MACC1: variants seen among roughly 807,000 people sequenced by gnomAD.
The protein encoded by MACC1 is MET transcriptional regulator MACC1, also known as metastasis-associated in colon cancer protein 1.
MACC1 carries 79 observed loss-of-function variants against 70.7 expected under a neutral mutation model. The observed-to-expected ratio is 1.12, with a 90% CI of 0.93 to 1.35. The LOEUF is 1.35. Ranked by LOEUF, MACC1 falls within the 40% of genes most tolerant of loss-of-function variation. The pLI is 0.00. For synonymous variants in MACC1, 361 were observed against 347.2 expected (o/e 1.04, Z -0.44); for missense variants, 1,106 against 978.1 (o/e 1.13, Z -1.74).
intron 1 of MACC1, among the ~76,000 whole-genome samples, chr7:20,183,310 A>G (rs1406640636): frequency 6.6e-6 from 1 of 152,240 alleles, no homozygotes; most frequent in Non-Finnish European, 1.5e-5. Context: ...GTAGTTGGCA[A>G]GAAAACAGGG....
In MACC1 at chr7:20,137,776, T is replaced by C. The variant is rs1298301163; in HGVS notation, c.*3170A>G. The stretch of plus-strand genomic sequence containing the variant: ...GAAAATCCATTATAGCAAGAAAAAA[T>C]ATAAAGTTCAGAAAAGTAGAAACTA... On this transcript the variant is annotated 3_prime_UTR_variant, in exon 7 of 7. Coordinates refer to ENST00000400331, the MANE Select transcript of MACC1 (RefSeq NM_182762.4). 1 of 152,106 alleles carries C rather than the reference T, an allele frequency of 6.6e-6. No individual in the cohort carries two copies. Among genetic ancestry groups the C allele is most frequent in the Non-Finnish European group, 1.5e-5 (1 of 68,008 alleles). The allele number at this position is 152,106 out of a possible 1,614,324, so 9.4% of individuals were successfully genotyped here.
intron 6 of MACC1, among the ~76,000 whole-genome samples, 177 bp from the exon 7 acceptor site, chr7:20,141,335 TA>T (rs1184678895): frequency 5.3e-5 from 8 of 152,242 alleles, no homozygotes; most frequent in Non-Finnish European, 1.2e-4. Flanking sequence ...CTTCCTGTTA[TA>T]TCCCTGTGTT....
At chr7:20,168,803 C>A (rs554689210) in intron 2 of MACC1, among the ~76,000 whole-genome samples, 2 of 152,320 alleles carry the variant, frequency 1.3e-5, no homozygotes, top group Admixed American at 1.3e-4. Context: ...TTCCTCTCAA[C>A]AGAGTTTCCC....
chr7:20,154,318 T>A lies in MACC1; in HGVS notation c.2221A>T (p.Thr741Ser). The change falls in exon 6 of 7, where the codon ACT (threonine) becomes TCT (serine). Residue 741 changes from threonine to serine, a missense_variant. Physicochemically the swap from Thr to Ser is moderately conservative, Grantham distance 58. Transcript: ENST00000400331. ...ARLIQEAAVL[T>S]SAVKLGKGWR... ...CCTTTTCCAAGCTTGACAGCTGAAG[T>A]CAGAACAGCAGCTTCTTGGATGAGA... 1 of 1,613,978 alleles carries A rather than the reference T, an allele frequency of 6.2e-7. No individual in the cohort carries two copies. Among genetic ancestry groups the A allele is most frequent in the African/African-American group, 1.3e-5 (1 of 75,024 alleles).
intron 1 of MACC1, among the ~76,000 whole-genome samples, chr7:20,171,587 T>G (rs928263553): frequency 1.2e-4 from 13 of 108,830 alleles, no homozygotes; most frequent in South Asian, 2.6e-4. Flanking sequence ...ATTATATCTG[T>G]TTTTTTTTTT....
chr7:20,192,198 A>T (rs1456267051), intron 1 of MACC1, among the ~76,000 whole-genome samples: 1 of 152,140 alleles, frequency 6.6e-6, no homozygotes, highest in Non-Finnish European at 1.5e-5. Context: ...TATCTTTATT[A>T]TTCTTTCAAA....
intron 6 of MACC1, among the ~76,000 whole-genome samples, chr7:20,143,664 C>G (rs747184451): frequency 2.0e-5 from 3 of 152,210 alleles, no homozygotes; most frequent in Non-Finnish European, 2.9e-5. Context: ...GCTGGGATTA[C>G]AGGCATGAGC....
chr7:20,189,990 T>G (rs745826575), intron 1 of MACC1, among the ~76,000 whole-genome samples: 1 of 152,210 alleles, frequency 6.6e-6, no homozygotes, highest in African/African-American at 2.4e-5. Context: ...TGTTTTCATG[T>G]AGTGGAAAAC....
chr7:20,173,801 G>C (rs937708879), intron 1 of MACC1, among the ~76,000 whole-genome samples: 1 of 152,138 alleles, frequency 6.6e-6, no homozygotes, highest in Non-Finnish European at 1.5e-5. Flanking sequence ...TTTTAGTACT[G>C]GCTGGGGTCA....
In MACC1 at chr7:20,139,174, G is replaced by A. The variant is rs1781761340; in HGVS notation, c.*1772C>T. 1.3e-5 allele frequency: 2 copies of A among 152,128 alleles called. No homozygotes were observed. Among genetic ancestry groups the A allele is most frequent in the African/African-American group, 2.4e-5 (1 of 41,414 alleles). The allele number at this position is 152,128 out of a possible 1,614,324, so 9.4% of individuals were successfully genotyped here. ...TGTGTTTTCTTTCTAAATTCTAGCA[G>A]CCTTAATGGCCCTAATGTGGCTTCT... On this transcript the variant is annotated 3_prime_UTR_variant, in exon 7 of 7. Transcript: ENST00000400331.
chr7:20,180,585 C>A (rs1782488575), intron 1 of MACC1, among the ~76,000 whole-genome samples: 1 of 152,158 alleles, frequency 6.6e-6, no homozygotes, highest in Non-Finnish European at 1.5e-5. Context: ...GTGGCCACGC[C>A]TGTAATCCCA....
At position 20,154,278 on chromosome 7, in the gene MACC1, G is replaced by T; in HGVS notation, c.2261C>A (p.Ala754Asp). Residue 754 changes from alanine to aspartate, a missense_variant, in exon 6 of 7, where the codon GCT becomes GAT. Transcript: ENST00000400331. Reference sequence around the variant, plus strand: ...CTTTGTGAGTCGTACTAACTTTTCAGCTAGTTCCCTCCAGCCTTTTCCAAG... The same window carrying T: ...CTTTGTGAGTCGTACTAACTTTTCATCTAGTTCCCTCCAGCCTTTTCCAAG... ...VKLGKGWREL[A>D]EKLVRLTKQQ... The T allele has an allele frequency of 6.2e-7, 1 of 1,613,938 alleles. No individual in the cohort carries two copies. The highest frequency in any genetic ancestry group is 8.5e-7 in the Non-Finnish European group (1 of 1,179,934).
chr7:20,144,123 A>C (rs1781851306), intron 6 of MACC1, among the ~76,000 whole-genome samples: 2 of 152,238 alleles, frequency 1.3e-5, no homozygotes, highest in African/African-American at 4.8e-5. Flanking sequence ...AAATACAATG[A>C]AAATATTCAA....
Position 20,173,123 on chromosome 7 carries a change from C to A in MACC1, c.-217-2345G>T, listed in dbSNP as rs1782337053. On this transcript the variant is annotated intron_variant, in intron 1 of 6. Coordinates refer to ENST00000400331, the MANE Select transcript of MACC1 (RefSeq NM_182762.4). Reference sequence around the variant, plus strand: ...ATGCCCAGAAATCATCCCAAAAATCCGAGATGGATCCCAGGCTTCATTTAT... The same window carrying A: ...ATGCCCAGAAATCATCCCAAAAATCAGAGATGGATCCCAGGCTTCATTTAT... 3.9e-5 allele frequency among the ~76,000 whole-genome samples: 6 copies of A among 152,220 alleles called. No homozygotes were observed. The South Asian group carries it at 1.2e-3, about 32-fold the overall frequency.
intron 5 of MACC1, among the ~76,000 whole-genome samples, chr7:20,156,042 A>G (rs1782049987): frequency 1.3e-5 from 2 of 152,206 alleles, no homozygotes; most frequent in Non-Finnish European, 1.5e-5. Context: ...GTGAAAATCA[A>G]ATTGGATGCT....
chr7:20,202,676 A>G (rs905800363), intron 1 of MACC1, among the ~76,000 whole-genome samples: 1 of 152,246 alleles, frequency 6.6e-6, no homozygotes, highest in Non-Finnish European at 1.5e-5. Context: ...ATATCCAATC[A>G]GGTAGATAAT....
In MACC1 at chr7:20,136,685, A is replaced by G. The variant is rs1781721528; in HGVS notation, c.*4261T>C. ...ATGTCTTTGGATTATCCCACCAATC[A>G]TATTGATGTTCTTTAGAACTTCACT... is the stretch of plus-strand genomic sequence containing the variant. On this transcript the variant is annotated 3_prime_UTR_variant, in exon 7 of 7. Coordinates refer to ENST00000400331, the MANE Select transcript of MACC1 (RefSeq NM_182762.4). 1 of 152,024 alleles carries G rather than the reference A, an allele frequency of 6.6e-6. No homozygotes were observed. The highest frequency in any genetic ancestry group is 6.6e-5 in the Admixed American group (1 of 15,262). The allele number at this position is 152,024 out of a possible 1,614,324, so 9.4% of individuals were successfully genotyped here. A position where few individuals can be genotyped will look rare whatever the true frequency, so the allele number is the denominator to read the frequency against.
intron 1 of MACC1, among the ~76,000 whole-genome samples, chr7:20,187,454 C>T (rs938615508): frequency 1.3e-5 from 2 of 152,170 alleles, no homozygotes; most frequent in African/African-American, 4.8e-5. Context: ...ATCTGACAAA[C>T]TTCTTGTCCT....
chr7:20,156,687 G>A (rs905091464), intron 5 of MACC1, among the ~76,000 whole-genome samples: 2 of 152,074 alleles, frequency 1.3e-5, no homozygotes, highest in Non-Finnish European at 2.9e-5. Flanking sequence ...TTAGCAACTG[G>A]ATATAGGAGC....
Sources: gnomAD v4.1 joint callset for allele counts (sites outside exome capture counted in the v4.1 genomes callset) on GRCh38, gnomAD v4.1.1 for gene constraint, MANE v1.5 for transcripts, NCBI Gene and HGNC (gene_info 2026-07-23, HGNC 2026-07-21) for gene names.